NBDY: variants seen among roughly 807,000 people sequenced by gnomAD.
The protein encoded by NBDY is P-body dissociating protein.
At chrX:56,738,555 T>C (rs779935274) in intron 2 of NBDY, among the ~76,000 whole-genome samples, 12 of 112,097 alleles carry the variant, frequency 1.1e-4, no homozygotes, top group Admixed American at 2.8e-4. Flanking sequence ...AGCTTCAAGT[T>C]AGGGTTCCCG....
chrX:56,736,269 T>A (rs2069490832), intron 2 of NBDY, among the ~76,000 whole-genome samples: 1 of 112,175 alleles, frequency 8.9e-6, no homozygotes, highest in African/African-American at 3.2e-5. Flanking sequence ...TGAATAATTC[T>A]ATTTTTTTCT....
intron 2 of NBDY, among the ~76,000 whole-genome samples, chrX:56,797,892 C>G (rs772661442): frequency 8.9e-6 from 1 of 112,075 alleles, no homozygotes; most frequent in African/African-American, 3.2e-5. Context: ...GAGATACATG[C>G]AGATGCAGAC....
intron 2 of NBDY, among the ~76,000 whole-genome samples, chrX:56,738,542 A>G (rs1361827024): frequency 8.9e-6 from 1 of 112,177 alleles, no homozygotes; most frequent in African/African-American, 3.2e-5. Context: ...CTTTTAACTG[A>G]CCAGCTTCAA....
intron 2 of NBDY, among the ~76,000 whole-genome samples, chrX:56,798,926 G>A (rs773774691): frequency 8.9e-6 from 1 of 111,854 alleles, no homozygotes; most frequent in Non-Finnish European, 1.9e-5. Flanking sequence ...AAAAGGTGGA[G>A]GCCCTCAGGG....
intron 2 of NBDY, among the ~76,000 whole-genome samples, chrX:56,793,879 A>G (rs142410083): frequency 9.0e-6 from 1 of 111,395 alleles, no homozygotes; most frequent in Non-Finnish European, 1.9e-5. Flanking sequence ...GAGTCACCCC[A>G]CACTCAGCAT....
At chrX:56,764,051 G>T (rs1382418788) in intron 2 of NBDY, among the ~76,000 whole-genome samples, 1 of 112,254 alleles carries the variant, frequency 8.9e-6, no homozygotes, top group Non-Finnish European at 1.9e-5. Flanking sequence ...GGACAAGAGA[G>T]GAACTCCAAG....
At chrX:56,766,600 C>G (rs34665999) in intron 2 of NBDY, among the ~76,000 whole-genome samples, 1 of 111,805 alleles carries the variant, frequency 8.9e-6, no homozygotes, top group Non-Finnish European at 1.9e-5. Context: ...GACAGGGGTT[C>G]GAAATATGCA....
chrX:56,795,798 C>T (rs909975526), intron 2 of NBDY, among the ~76,000 whole-genome samples: 5 of 112,517 alleles, frequency 4.4e-5, no homozygotes, highest in Non-Finnish European at 7.5e-5. Flanking sequence ...CCACCACGGG[C>T]GCACCTCTGG....
chrX:56,733,561 G>A (rs1255556875), intron 2 of NBDY, among the ~76,000 whole-genome samples: 2 of 111,525 alleles, frequency 1.8e-5, no homozygotes, highest in Non-Finnish European at 3.8e-5. Context: ...AAATGAAGGA[G>A]GGGAGGGAGC....
chrX:56,764,714 A>G (rs1285644066), intron 2 of NBDY, among the ~76,000 whole-genome samples: 3 of 107,594 alleles, frequency 2.8e-5, no homozygotes, highest in Non-Finnish European at 5.8e-5. Context: ...AAAAAAAAAA[A>G]AAAAAAAAGA....
chrX:56,791,070 C>G (rs1443243904), intron 2 of NBDY, among the ~76,000 whole-genome samples: 2 of 112,277 alleles, frequency 1.8e-5, no homozygotes, highest in African/African-American at 6.5e-5. Flanking sequence ...AGCTGTCCAC[C>G]TGAGGCACTC....
At chrX:56,738,438 C>G (rs1385558776) in intron 2 of NBDY, among the ~76,000 whole-genome samples, 1 of 111,896 alleles carries the variant, frequency 8.9e-6, no homozygotes, top group East Asian at 2.8e-4. Flanking sequence ...GAAGCTATCT[C>G]CCTACAGAAA....
At chrX:56,784,512 G>T (rs146219583) in intron 2 of NBDY, among the ~76,000 whole-genome samples, 111 of 112,133 alleles carry the variant, frequency 9.9e-4, no homozygotes, top group Non-Finnish European at 1.7e-3. Context: ...TCACTGGAAC[G>T]TGGTGGTTCA....
rs1025422146 is a variant in NBDY at position 56,795,585 on chromosome X, G to T, written c.*167-21735G>T. Among the ~76,000 whole-genome samples the T allele has an allele frequency of 1.8e-3, 197 of 111,999 alleles. 1 individual carries two copies. Among genetic ancestry groups the T allele is most frequent in the African/African-American group, 6.1e-3 (187 of 30,856 alleles). ...ACTGGGAACAGGCAGAGTTTCACAG[G>T]ACAGAAAATTTACCCCATGGGTAAT... is the stretch of plus-strand genomic sequence containing the variant. On this transcript the variant is annotated intron_variant, in intron 2 of 2. Transcript: ENST00000374922.
At chrX:56,733,655 G>A (rs1490403086) in intron 2 of NBDY, among the ~76,000 whole-genome samples, 1 of 111,811 alleles carries the variant, frequency 8.9e-6, no homozygotes, top group East Asian at 2.8e-4. Context: ...TCGCCACCTA[G>A]TGGCAGAATT....
Position 56,730,513 on chromosome X carries a change from C to CAAA in NBDY, c.*29+955_*29+957dup, listed in dbSNP as rs1157131797. Among the ~76,000 whole-genome samples the CAAA allele has an allele frequency of 2.6e-3, 29 of 11,205 alleles. 6 individuals carry two copies. Among genetic ancestry groups the CAAA allele is most frequent in the East Asian group, 0.015 (3 of 197 alleles). The allele number at this position is 11,205 out of a possible 115,157, so 9.7% of individuals were successfully genotyped here. A position where few individuals can be genotyped will look rare whatever the true frequency, so the allele number is the denominator to read the frequency against. On this transcript the variant is annotated intron_variant, in intron 1 of 2. Coordinates refer to ENST00000374922, the MANE Select transcript of NBDY (RefSeq NM_001348129.2). ...GCGACAATAGCAAAAAACTACGTCT[C>CAAA]AAAAAAAAAAAAAAAAAAAAAAAAA...
At chrX:56,808,725 AT>A (rs1307606016) in intron 2 of NBDY, among the ~76,000 whole-genome samples, 1 of 111,214 alleles carries the variant, frequency 9.0e-6, no homozygotes, top group South Asian at 3.8e-4. Context: ...GGATTCATTG[AT>A]TTTTTTGATG....
chrX:56,811,953 G>A (rs772533760), intron 2 of NBDY, among the ~76,000 whole-genome samples: 4 of 111,770 alleles, frequency 3.6e-5, no homozygotes, highest in African/African-American at 9.8e-5. Flanking sequence ...TGCAGTGTCT[G>A]TGCTGGAGTG....
chrX:56,758,553 C>A (rs188752369), intron 2 of NBDY, among the ~76,000 whole-genome samples: 4 of 111,503 alleles, frequency 3.6e-5, no homozygotes, highest in Non-Finnish European at 7.5e-5. Context: ...AGGTGGCTCT[C>A]CTAGAGAGAC....
Sources: allele counts gnomAD v4.1 joint callset (sites outside exome capture counted in the v4.1 genomes callset), GRCh38; gene constraint gnomAD v4.1.1; transcripts MANE v1.5; gene names NCBI Gene and HGNC (gene_info 2026-07-23, HGNC 2026-07-21).